The following ARB2A variants were observed in gnomAD, a reference collection of about 807,000 sequenced individuals.
ARB2A encodes ARB2 cotranscriptional regulator A.
the ARB2A span, among the ~76,000 whole-genome samples, chr5:93,688,495 A>T: frequency 6.6e-6 from 1 of 152,178 alleles, no homozygotes; most frequent in Non-Finnish European, 1.5e-5. Flanking sequence ...TAAACAAATA[A>T]ACTAAAACCT....
At chr5:93,912,564 T>C in the ARB2A span, among the ~76,000 whole-genome samples, 1 of 151,824 alleles carries the variant, frequency 6.6e-6, no homozygotes, top group East Asian at 1.9e-4. Context: ...CCTGACAGTG[T>C]AAAATCACAC....
the ARB2A span, among the ~76,000 whole-genome samples, chr5:93,725,444 A>C: frequency 6.6e-6 from 1 of 152,126 alleles, no homozygotes; most frequent in African/African-American, 2.4e-5. Flanking sequence ...GAAAAGAACA[A>C]AAACAAGAGC....
At chr5:93,662,659 C>T in the ARB2A span, among the ~76,000 whole-genome samples, 1 of 152,124 alleles carries the variant, frequency 6.6e-6, no homozygotes, top group Non-Finnish European at 1.5e-5. Context: ...TCATGTGTGC[C>T]AGGAGCACTG....
the ARB2A span, among the ~76,000 whole-genome samples, chr5:93,848,111 A>G: frequency 3.3e-5 from 5 of 152,196 alleles, no homozygotes; most frequent in African/African-American, 1.2e-4. Flanking sequence ...GGTGCCAGGT[A>G]CAGTGGCTCA....
chr5:93,835,368 A>G, the ARB2A span, among the ~76,000 whole-genome samples: 1 of 152,244 alleles, frequency 6.6e-6, no homozygotes, highest in Admixed American at 6.5e-5. Context: ...TTACAGTGAC[A>G]GGTTCACATA....
chr5:93,801,359 C>T, the ARB2A span, among the ~76,000 whole-genome samples: 1 of 152,058 alleles, frequency 6.6e-6, no homozygotes, highest in African/African-American at 2.4e-5. Context: ...AAGGATCAAA[C>T]AGCCTAGAGT....
At chr5:93,673,265 A>C in the ARB2A span, among the ~76,000 whole-genome samples, 1 of 152,212 alleles carries the variant, frequency 6.6e-6, no homozygotes, top group Non-Finnish European at 1.5e-5. Flanking sequence ...TGGGACACAG[A>C]ATATAAAGCC....
chr5:93,997,974 A>G, the ARB2A span, among the ~76,000 whole-genome samples: 2 of 151,856 alleles, frequency 1.3e-5, no homozygotes, highest in Non-Finnish European at 2.9e-5. Context: ...ACCCAAAAAG[A>G]TTCCCATAGC....
At chr5:94,081,314 T>C in the ARB2A span, among the ~76,000 whole-genome samples, 1 of 152,196 alleles carries the variant, frequency 6.6e-6, no homozygotes. Context: ...AGAGTTACCA[T>C]ATGACCCAGC....
At chr5:93,877,828 G>A in the ARB2A span, among the ~76,000 whole-genome samples, 1 of 152,086 alleles carries the variant, frequency 6.6e-6, no homozygotes, top group Non-Finnish European at 1.5e-5. Context: ...GGAAAGAACA[G>A]AAATTGAAGT....
chr5:94,025,680 T>C, the ARB2A span, among the ~76,000 whole-genome samples: 43 of 152,286 alleles, frequency 2.8e-4, no homozygotes, highest in African/African-American at 9.9e-4. Context: ...TAAATATAAA[T>C]AGTGAAAAGA....
chr5:93,889,360 C>T, the ARB2A span, among the ~76,000 whole-genome samples: 1 of 151,768 alleles, frequency 6.6e-6, no homozygotes, highest in African/African-American at 2.4e-5. Context: ...AAAGGAAACA[C>T]TTCAATACAC....
At chr5:93,937,235 G>A in the ARB2A span, among the ~76,000 whole-genome samples, 38 of 151,718 alleles carry the variant, frequency 2.5e-4, 1 homozygote, top group Admixed American at 9.2e-4. Flanking sequence ...AAAAAACAAA[G>A]GGAATATCCA....
the ARB2A span, among the ~76,000 whole-genome samples, chr5:93,705,645 G>A: frequency 2.1e-5 from 3 of 146,196 alleles, no homozygotes; most frequent in African/African-American, 8.0e-5. Flanking sequence ...GTGTGTGTGT[G>A]TGTGTGTATA....
At chr5:93,720,666 C>T in the ARB2A span, among the ~76,000 whole-genome samples, 397 of 152,288 alleles carry the variant, frequency 2.6e-3, 1 homozygote, top group African/African-American at 9.3e-3. Flanking sequence ...ATGTTAGTAA[C>T]TTGTGATAAG....
the ARB2A span, among the ~76,000 whole-genome samples, chr5:93,716,929 C>G: frequency 1.3e-5 from 2 of 151,978 alleles, no homozygotes; most frequent in African/African-American, 4.8e-5. Context: ...TTAGAAGATT[C>G]TGACATTCTG....
the ARB2A span, among the ~76,000 whole-genome samples, chr5:93,960,146 A>AAAAATAAAAT: frequency 1.3e-3 from 182 of 143,012 alleles, no homozygotes; most frequent in Middle Eastern, 3.6e-3. Context: ...TTAGGAAGAG[A>AAAAATAAAAT]AAAATAAAAT....
chr5:93,861,586 T>C, the ARB2A span: 2 of 152,316 alleles, frequency 1.3e-5, no homozygotes, highest in Admixed American at 6.5e-5. Context: ...GTTTAAGAAT[T>C]TATTGGTTGA....
At chr5:94,109,701 G>A in the ARB2A span, among the ~76,000 whole-genome samples, 1 of 152,038 alleles carries the variant, frequency 6.6e-6, no homozygotes, top group Admixed American at 6.6e-5. Context: ...ACACGCTCCT[G>A]TCTCAGTGCC....
Sources: gnomAD v4.1 joint callset for allele counts (sites outside exome capture counted in the v4.1 genomes callset) on GRCh38, gnomAD v4.1.1 for gene constraint, MANE v1.5 for transcripts, NCBI Gene and HGNC (gene_info 2026-07-23, HGNC 2026-07-21) for gene names.